The following RFX3 variants were observed in gnomAD, a reference collection of about 807,000 sequenced individuals.
The protein encoded by RFX3 is regulatory factor X3.
In RFX3, 14 loss-of-function variants were observed where a neutral mutation model predicts 98.6. That is an observed-to-expected ratio of 0.14 (90% confidence interval 0.09 to 0.22). The LOEUF (loss-of-function observed/expected upper bound fraction) is 0.22, where lower values mean the gene tolerates loss of function less well. Among genes scored for constraint, RFX3 ranks in the 10% least tolerant of loss-of-function variants. RFX3 has a pLI of 1.00. For synonymous variants in RFX3, 383 were observed against 328.4 expected, an observed-to-expected ratio of 1.17 and a Z score of -1.80; for missense variants, 639 against 926.9, an observed-to-expected ratio of 0.69 and a Z score of 4.03.
At chr9:3,503,001 A>G (rs1816210494) in intron 1 of RFX3, among the ~76,000 whole-genome samples, 1 of 152,234 alleles carries the variant, frequency 6.6e-6, no homozygotes, top group Non-Finnish European at 1.5e-5. Context: ...AGTTACGAGG[A>G]AAAACATGAG....
chr9:3,436,964 T>C (rs1458514310), intron 1 of RFX3, among the ~76,000 whole-genome samples: 1 of 152,040 alleles, frequency 6.6e-6, no homozygotes, highest in African/African-American at 2.4e-5. Context: ...AAAAAATTGC[T>C]CATTGAGTAA....
chr9:3,323,647 T>G (rs959015106), intron 4 of RFX3, among the ~76,000 whole-genome samples: 5 of 152,148 alleles, frequency 3.3e-5, no homozygotes, highest in African/African-American at 7.2e-5. Context: ...AGAATCTAGC[T>G]TTTTCTGGCA....
intron 6 of RFX3, among the ~76,000 whole-genome samples, chr9:3,288,558 T>C (rs1399227173): frequency 6.6e-6 from 1 of 152,104 alleles, no homozygotes; most frequent in Non-Finnish European, 1.5e-5. Flanking sequence ...TTCAAATTTC[T>C]ATTTTAAATT....
At position 3,219,083 on chromosome 9, in the gene RFX3, T is replaced by C. The variant is rs573170413; in HGVS notation, c.*5959A>G. 6.6e-6 allele frequency: 1 copy of C among 152,290 alleles called. No individual in the cohort carries two copies. Among genetic ancestry groups the C allele is most frequent in the East Asian group, 1.9e-4 (1 of 5,184 alleles). The allele number at this position is 152,290 out of a possible 1,614,324, so 9.4% of individuals were successfully genotyped here. On this transcript the variant is annotated 3_prime_UTR_variant, in exon 17 of 17. Transcript: ENST00000617270. The stretch of plus-strand genomic sequence containing the variant: ...TCTCAAGGCACTCACTTAAAGTTTC[T>C]GTAACCAATGCATTGGTCACCACCA...
chr9:3,429,210 A>G (rs1018312027), intron 1 of RFX3, among the ~76,000 whole-genome samples: 46 of 150,278 alleles, frequency 3.1e-4, no homozygotes, highest in Middle Eastern at 3.4e-3. Context: ...TTTTAGTAGA[A>G]ACGGGGTTTC....
chr9:3,247,086 A>T, intron 15 of RFX3: 1 of 984,906 alleles, frequency 1.0e-6, no homozygotes, highest in Non-Finnish European at 1.2e-6. Context: ...ATAGCTTAAA[A>T]GTGAACATGT....
intron 1 of RFX3, among the ~76,000 whole-genome samples, chr9:3,485,874 C>T (rs1850219825): frequency 6.6e-6 from 1 of 151,920 alleles, no homozygotes; most frequent in Non-Finnish European, 1.5e-5. Flanking sequence ...CCTGTAATCC[C>T]AACACTTTGG....
intron 4 of RFX3, among the ~76,000 whole-genome samples, chr9:3,311,798 C>G (rs528351063): frequency 1.3e-5 from 2 of 152,066 alleles, no homozygotes; most frequent in African/African-American, 2.4e-5. Context: ...GCAGGACAAT[C>G]GCTTGAATCT....
In RFX3 at chr9:3,511,105, A is replaced by G. The variant is rs1394798556; in HGVS notation, c.-9+14642T>C. Among the ~76,000 whole-genome samples the G allele has an allele frequency of 3.3e-5, 5 of 152,176 alleles. No homozygotes were observed. In the East Asian group the frequency reaches 9.6e-4, roughly 29 times the overall value. On this transcript the variant is annotated intron_variant, in intron 1 of 16. Transcript: ENST00000617270. ...ACAATTCCACTGAACCCTTTGGATC[A>G]TAATGAAGTTTGGCAATTAAAGTTA...
chr9:3,226,612 A>T (rs1042435712), intron 16 of RFX3, among the ~76,000 whole-genome samples: 5 of 152,234 alleles, frequency 3.3e-5, no homozygotes, highest in African/African-American at 1.2e-4. Context: ...GACTTTATCA[A>T]GTTACCTATT....
chr9:3,356,715 G>C (rs149265849), intron 2 of RFX3, among the ~76,000 whole-genome samples: 2 of 151,664 alleles, frequency 1.3e-5, no homozygotes, highest in African/African-American at 4.8e-5. Context: ...AAACCTAAAT[G>C]CAAAAATCTT....
intron 14 of RFX3, among the ~76,000 whole-genome samples, chr9:3,253,800 C>G (rs551793948): frequency 7.2e-4 from 110 of 152,198 alleles, no homozygotes; most frequent in Non-Finnish European, 1.3e-3. Context: ...ATGGCATTTA[C>G]AAATTTACAA....
At chr9:3,330,918 A>G (rs1832524794) in intron 3 of RFX3, among the ~76,000 whole-genome samples, 1 of 152,192 alleles carries the variant, frequency 6.6e-6, no homozygotes, top group Non-Finnish European at 1.5e-5. Context: ...CTTAGCTCCT[A>G]CTTAGCTAAT....
At chr9:3,522,355 T>A (rs1449039125) in intron 1 of RFX3, among the ~76,000 whole-genome samples, 1 of 152,170 alleles carries the variant, frequency 6.6e-6, no homozygotes, top group African/African-American at 2.4e-5. Flanking sequence ...AATTACTCAG[T>A]TATGAAAACT....
intron 2 of RFX3, among the ~76,000 whole-genome samples, chr9:3,374,471 A>G (rs913746517): frequency 6.6e-6 from 1 of 152,230 alleles, no homozygotes; most frequent in Non-Finnish European, 1.5e-5. Flanking sequence ...CCAAGTATCC[A>G]AGGGAAGATG....
chr9:3,263,099 AAT>A lies in RFX3; in HGVS notation c.1456-17_1456-16del. The stretch of plus-strand genomic sequence containing the variant: ...ACAGCGGCAACCTGTAACGCAATCC[AAT>A]TAAGTTGGGATTCTGTTTCCTCCAG... On this transcript the variant is annotated splice_polypyrimidine_tract_variant and intron_variant, in intron 12 of 16. Coordinates refer to ENST00000617270, the MANE Select transcript of RFX3 (RefSeq NM_001282116.2). 9 of 1,610,198 alleles carry A rather than the reference AAT, an allele frequency of 5.6e-6. No homozygotes were observed. The highest frequency in any genetic ancestry group is 7.6e-6 in the Non-Finnish European group (9 of 1,178,040).
Position 3,497,599 on chromosome 9 carries a change from T to C in RFX3, c.-9+28148A>G, listed in dbSNP as rs149615225. On this transcript the variant is annotated intron_variant, in intron 1 of 16. Transcript: ENST00000617270. ...GAACTAGTATGATATCAGATGGGTG[T>C]ATAAAAATATCTCAATGGGAAATGC... Among the ~76,000 whole-genome samples the C allele has an allele frequency of 8.4e-3, 1,279 of 151,980 alleles. 11 individuals are homozygous for C. Among genetic ancestry groups the C allele is most frequent in the Middle Eastern group, 0.024 (7 of 294 alleles).
At chr9:3,307,662 A>G (rs1340483914) in intron 4 of RFX3, among the ~76,000 whole-genome samples, 1 of 152,202 alleles carries the variant, frequency 6.6e-6, no homozygotes, top group African/African-American at 2.4e-5. Flanking sequence ...TCAAATACAC[A>G]TATCAAACAC....
chr9:3,453,182 C>A lies in RFX3; in HGVS notation c.-8-57586G>T, dbSNP rs144437822. Among the ~76,000 whole-genome samples, 891 of 152,006 alleles carry A rather than the reference C, an allele frequency of 5.9e-3. 13 individuals are homozygous for A. The highest frequency in any genetic ancestry group is 0.021 in the African/African-American group (851 of 41,466). ...ATCAGTATAAATGGAAGTCTGTAGA[C>A]GAGATCTGATTAATCACTCTGTCAT... On this transcript the variant is annotated intron_variant, in intron 1 of 16. Transcript: ENST00000617270.
Sources: allele counts gnomAD v4.1 joint callset (sites outside exome capture counted in the v4.1 genomes callset), GRCh38; gene constraint gnomAD v4.1.1; transcripts MANE v1.5; gene names NCBI Gene and HGNC (gene_info 2026-07-23, HGNC 2026-07-21).